Variants in HAPLN1 observed in about 807,000 individuals in gnomAD.
HAPLN1 encodes Cartilage link protein.
In HAPLN1, 13 loss-of-function variants were observed where a neutral mutation model predicts 36.5. That is an observed-to-expected ratio of 0.36 (90% CI 0.23 to 0.57). The LOEUF (loss-of-function observed/expected upper bound fraction) is 0.57, where lower values mean the gene tolerates loss of function less well. Among genes scored for constraint, HAPLN1 ranks in the 20% least tolerant of loss-of-function variants. The probability of loss-of-function intolerance (pLI) is 0.83; values close to 1 mark genes in which losing one functional copy is unlikely to be tolerated. For synonymous variants in HAPLN1, 202 were observed against 169.8 expected (o/e 1.19, Z -1.48); for missense variants, 407 against 439.7 (o/e 0.93, Z 0.66).
chr5:83,662,213 C>T (rs926235049), intron 2 of HAPLN1, among the ~76,000 whole-genome samples: 1 of 152,094 alleles, frequency 6.6e-6, no homozygotes, highest in Non-Finnish European at 1.5e-5. Context: ...GGTTAACCAT[C>T]TTTATATCAT....
At chr5:83,651,724 G>A (rs369959956) in intron 3 of HAPLN1, among the ~76,000 whole-genome samples, 57 of 152,148 alleles carry the variant, frequency 3.7e-4, no homozygotes, top group South Asian at 1.0e-3. Flanking sequence ...TGAAATTTAC[G>A]AAAAATAAGG....
chr5:83,676,797 T>A (rs986296581), intron 1 of HAPLN1, among the ~76,000 whole-genome samples: 27 of 152,308 alleles, frequency 1.8e-4, no homozygotes, highest in African/African-American at 6.5e-4. Flanking sequence ...TCACCTGCAA[T>A]TCACACATTG....
rs567993149 is a variant in HAPLN1, at chr5:83,670,747, T to A, written c.100+2677A>T. ...TCTCGCTCTGTTGCCCAGGCTGGAG[T>A]GCAGTGGCACCATCTCGGCTCACTG... On this transcript the variant is annotated intron_variant, in intron 2 of 4. Coordinates refer to ENST00000274341, the MANE Select transcript of HAPLN1 (RefSeq NM_001884.4). Among the ~76,000 whole-genome samples the A allele has an allele frequency of 2.9e-4, 44 of 151,736 alleles. 1 individual carries two copies. Among genetic ancestry groups the A allele is most frequent in the South Asian group, 1.0e-3 (5 of 4,806 alleles).
In HAPLN1 at chr5:83,673,567, A is replaced by C. The variant is rs753842393; in HGVS notation, c.-26-18T>G. The C allele has an allele frequency of 2.2e-5, 31 of 1,401,196 alleles. No individual in the cohort carries two copies. Among genetic ancestry groups the C allele is most frequent in the Non-Finnish European group, 3.0e-5 (30 of 987,418 alleles). The allele number at this position is 1,401,196 out of a possible 1,614,324, so 86.8% of individuals were successfully genotyped here. ...CTTCTTCACTGCGAGAGCATCACAT[A>C]CAAAGAGGCTTGTGAGATTTGGAAC... On this transcript the variant is annotated intron_variant, in intron 1 of 4. Coordinates refer to ENST00000274341, the MANE Select transcript of HAPLN1 (RefSeq NM_001884.4).
intron 1 of HAPLN1, among the ~76,000 whole-genome samples, chr5:83,685,462 TCA>T (rs964825959): frequency 4.6e-5 from 7 of 151,402 alleles, no homozygotes; most frequent in South Asian, 2.1e-4. Flanking sequence ...ATATTAGACA[TCA>T]CACACACACA....
intron 1 of HAPLN1, among the ~76,000 whole-genome samples, chr5:83,683,773 A>G (rs1278916834): frequency 3.3e-5 from 5 of 152,176 alleles, no homozygotes; most frequent in African/African-American, 1.2e-4. Flanking sequence ...GGTTAGTAAT[A>G]ACTGCACACC....
At chr5:83,689,507 G>A (rs557768181) in intron 1 of HAPLN1, among the ~76,000 whole-genome samples, 1 of 152,124 alleles carries the variant, frequency 6.6e-6, no homozygotes, top group African/African-American at 2.4e-5. Context: ...AAGGGAAAAA[G>A]GAGTCTCTGG....
At position 83,641,430 on chromosome 5, in the gene HAPLN1, T is replaced by TG. The variant is rs1580113596; in HGVS notation, c.*65dup. 21 of 1,437,138 alleles carry TG rather than the reference T, an allele frequency of 1.5e-5. No homozygotes were observed. The East Asian group carries it at 3.9e-4, about 27-fold the overall frequency. 89.0% of individuals were successfully genotyped at this position (1,437,138 alleles called of 1,614,324 possible). ...TTTGGTAACTTGCATGAGTTCATAT[T>TG]GGAAAAAAAAAACACCTTTCACATG... On this transcript the variant is annotated 3_prime_UTR_variant, in exon 5 of 5. Transcript: ENST00000274341.
intron 2 of HAPLN1, among the ~76,000 whole-genome samples, chr5:83,666,447 G>C (rs1318394724): frequency 6.6e-6 from 1 of 152,030 alleles, no homozygotes; most frequent in Non-Finnish European, 1.5e-5. Context: ...CAGCACAAAG[G>C]ATAAAACAGA....
At chr5:83,712,228 G>T (rs1751804213) in intron 1 of HAPLN1, among the ~76,000 whole-genome samples, 1 of 151,998 alleles carries the variant, frequency 6.6e-6, no homozygotes, top group Non-Finnish European at 1.5e-5. Context: ...ATTAACAAGG[G>T]TCAAGATCCT....
At chr5:83,710,210 G>C (rs1310043543) in intron 1 of HAPLN1, among the ~76,000 whole-genome samples, 3 of 152,168 alleles carry the variant, frequency 2.0e-5, no homozygotes, top group African/African-American at 7.2e-5. Flanking sequence ...AGAATATGTA[G>C]GGTGGGGACA....
At chr5:83,709,958 C>T (rs1561325470) in intron 1 of HAPLN1, among the ~76,000 whole-genome samples, 1 of 152,096 alleles carries the variant, frequency 6.6e-6, no homozygotes, top group Non-Finnish European at 1.5e-5. Context: ...CTCCTATGTT[C>T]CTGTTTTTGA....
chr5:83,641,796 A>G lies in HAPLN1; in HGVS notation c.776-11T>C, dbSNP rs1419110452. ...GATAGTAAAAACGGCCTGTAGAGAA[A>G]AGGAGACAGAGTCAATGGGCTGGTC... On this transcript the variant is annotated splice_polypyrimidine_tract_variant and intron_variant, in intron 4 of 4. Transcript: ENST00000274341. 1 of 1,610,530 alleles carries G rather than the reference A, an allele frequency of 6.2e-7. No homozygotes were observed. The highest frequency in any genetic ancestry group is 1.3e-5 in the African/African-American group (1 of 74,864).
intron 3 of HAPLN1, among the ~76,000 whole-genome samples, chr5:83,651,477 G>A (rs1006357062): frequency 4.5e-5 from 6 of 134,152 alleles, no homozygotes; most frequent in Non-Finnish European, 8.1e-5. Context: ...GAGAGACAAC[G>A]AAAGGTCACA....
chr5:83,715,205 C>G (rs1312598262), intron 1 of HAPLN1, among the ~76,000 whole-genome samples: 3 of 152,192 alleles, frequency 2.0e-5, no homozygotes, highest in African/African-American at 7.2e-5. Context: ...AAAACATTTA[C>G]TTTAAAGAAA....
chr5:83,696,685 C>T (rs1014281882), intron 1 of HAPLN1, among the ~76,000 whole-genome samples: 2 of 152,056 alleles, frequency 1.3e-5, no homozygotes, highest in Admixed American at 1.3e-4. Context: ...AGAAAATACT[C>T]TTGCCTGTGT....
chr5:83,670,526 T>A (rs1750678797), intron 2 of HAPLN1, among the ~76,000 whole-genome samples: 1 of 152,172 alleles, frequency 6.6e-6, no homozygotes, highest in South Asian at 2.1e-4. Flanking sequence ...AGGAAATGGA[T>A]TAGTGTGTGT....
intron 3 of HAPLN1, among the ~76,000 whole-genome samples, chr5:83,645,475 C>CTTTTTTTCT (rs1554047318): frequency 5.4e-5 from 4 of 74,370 alleles, no homozygotes; most frequent in African/African-American, 2.5e-4. Context: ...CTTTTTCTTT[C>CTTTTTTTCT]TTTTTTTTTT....
chr5:83,686,490 T>C lies in HAPLN1; in HGVS notation c.-26-12941A>G, dbSNP rs528404060. Among the ~76,000 whole-genome samples, 518 of 152,316 alleles carry C rather than the reference T, an allele frequency of 3.4e-3. 2 individuals carry two copies. Among genetic ancestry groups the C allele is most frequent in the Non-Finnish European group, 5.0e-3 (339 of 68,020 alleles). On this transcript the variant is annotated intron_variant, in intron 1 of 4. Coordinates refer to ENST00000274341, the MANE Select transcript of HAPLN1 (RefSeq NM_001884.4). Reference sequence around the variant, plus strand: ...AGTGAAATCCACATATGTTCATTCTTATCTTAGTTGGCAATAGTGATAGCA... The same window carrying C: ...AGTGAAATCCACATATGTTCATTCTCATCTTAGTTGGCAATAGTGATAGCA...
Sources: allele counts gnomAD v4.1 joint callset (sites outside exome capture counted in the v4.1 genomes callset), GRCh38; gene constraint gnomAD v4.1.1; transcripts MANE v1.5; gene names NCBI Gene and HGNC (gene_info 2026-07-23, HGNC 2026-07-21).